MARCHF10: variants seen among roughly 807,000 people sequenced by gnomAD.
MARCHF10 encodes membrane associated ring-CH-type finger 10.
Under a neutral mutation model 76.2 loss-of-function variants are expected in MARCHF10, and 64 were observed. The observed-to-expected ratio is 0.84, with a 90% CI of 0.69 to 1.03. The LOEUF (loss-of-function observed/expected upper bound fraction) is 1.03. Ranked by LOEUF, MARCHF10 falls within the 50% of genes least tolerant of loss-of-function variation. The probability of loss-of-function intolerance (pLI) is 0.00; values close to 1 mark genes in which losing one functional copy is unlikely to be tolerated. For missense variants in MARCHF10, 875 were observed against 958.0 expected, an observed-to-expected ratio of 0.91 and a Z score of 1.14; for synonymous variants, 340 against 357.5, an observed-to-expected ratio of 0.95 and a Z score of 0.55.
chr17:62,799,438 A>T (rs2093037724), intron 2 of MARCHF10, among the ~76,000 whole-genome samples: 1 of 152,148 alleles, frequency 6.6e-6, no homozygotes, highest in South Asian at 2.1e-4. Context: ...ACCATCCAAT[A>T]ATTCTCACAG....
chr17:62,800,328 G>C (rs1598083062), intron 2 of MARCHF10, among the ~76,000 whole-genome samples: 1 of 152,290 alleles, frequency 6.6e-6, no homozygotes, highest in Non-Finnish European at 1.5e-5. Flanking sequence ...GCCTGTTCTG[G>C]AGACAATTTC....
At chr17:62,730,181 G>C (rs1159030076) in intron 6 of MARCHF10, among the ~76,000 whole-genome samples, 1 of 151,382 alleles carries the variant, frequency 6.6e-6, no homozygotes, top group Non-Finnish European at 1.5e-5. Flanking sequence ...GTGAGACTTC[G>C]TCTCAAAAAG....
At chr17:62,754,778 G>T (rs1426432805) in intron 4 of MARCHF10, among the ~76,000 whole-genome samples, 1 of 152,002 alleles carries the variant, frequency 6.6e-6, no homozygotes, top group Non-Finnish European at 1.5e-5. Context: ...TAAATTGTTT[G>T]TTTTTTTCTA....
In MARCHF10 at chr17:62,762,024, C is replaced by T. The variant is rs566488146; in HGVS notation, c.211-2018G>A. The stretch of plus-strand genomic sequence containing the variant: ...ATGCTCCAGGCGAGGATGACCAACA[C>T]CTGTGTCAGCAGCAGTAGCAGCAGC... On this transcript the variant is annotated intron_variant, in intron 3 of 10. Coordinates refer to ENST00000311269, the MANE Select transcript of MARCHF10 (RefSeq NM_152598.4). 4.6e-5 allele frequency among the ~76,000 whole-genome samples: 7 copies of T among 152,064 alleles called. No individual in the cohort carries two copies. In the East Asian group the frequency reaches 1.4e-3, roughly 29 times the overall value.
At chr17:62,788,442 A>AGCC (rs748101863) in intron 3 of MARCHF10, 38 bp downstream of exon 3, 8 of 1,612,538 alleles carry the variant, frequency 5.0e-6, no homozygotes, top group Non-Finnish European at 6.8e-6. Flanking sequence ...CAGCAGCAGC[A>AGCC]GCAGCCCCAG....
intron 8 of MARCHF10, among the ~76,000 whole-genome samples, chr17:62,716,681 T>G (rs1464356463): frequency 6.8e-6 from 1 of 147,524 alleles, no homozygotes. Context: ...GTTTTTGTAA[T>G]TAAACAAAAG....
At chr17:62,740,525 TA>T (rs1395418561) in intron 5 of MARCHF10, among the ~76,000 whole-genome samples, 1 of 152,142 alleles carries the variant, frequency 6.6e-6, no homozygotes, top group Non-Finnish European at 1.5e-5. Context: ...AAGAATAAAA[TA>T]AAAATCCCCC....
chr17:62,727,755 T>C (rs1455856009), intron 6 of MARCHF10, among the ~76,000 whole-genome samples: 5 of 152,108 alleles, frequency 3.3e-5, no homozygotes, highest in Non-Finnish European at 7.3e-5. Flanking sequence ...TCGATGAAGA[T>C]ATGATGATAT....
intron 4 of MARCHF10, among the ~76,000 whole-genome samples, chr17:62,751,999 G>A (rs1599224910): frequency 6.6e-6 from 1 of 150,668 alleles, no homozygotes; most frequent in East Asian, 1.9e-4. Flanking sequence ...CAGCCTGGGT[G>A]ACAGAGCAAG....
intron 3 of MARCHF10, among the ~76,000 whole-genome samples, chr17:62,779,471 G>C (rs993204255): frequency 6.6e-6 from 1 of 152,210 alleles, no homozygotes; most frequent in South Asian, 2.1e-4. Context: ...GTTTGAAAGT[G>C]GAGAAGCTGA....
chr17:62,724,991 T>G lies in MARCHF10; in HGVS notation c.2051A>C (p.Gln684Pro). The change falls in exon 7 of 11, where the codon CAG becomes CCG. Residue 684 changes from glutamine (Q) to proline (P), a missense_variant. By Grantham distance (76) the Gln-to-Pro change is moderately conservative. Coordinates refer to ENST00000311269, the MANE Select transcript of MARCHF10 (RefSeq NM_152598.4). ...LEPCGCVGSL[Q>P]FVHQECLKKW... ...TTTCAGGCACTCTTGATGAACAAAC[T>G]GCAGGCTTCCCACACAGCCGCAAGG... The G allele has an allele frequency of 5.0e-6, 8 of 1,611,920 alleles. No homozygotes were observed. The highest frequency in any genetic ancestry group is 6.8e-6 in the Non-Finnish European group (8 of 1,179,228).
intron 9 of MARCHF10, among the ~76,000 whole-genome samples, chr17:62,708,846 C>A (rs1257892756): frequency 1.3e-5 from 2 of 152,114 alleles, no homozygotes; most frequent in African/African-American, 4.8e-5. Context: ...GAAGGCCTGG[C>A]TTTGCATTCA....
Position 62,712,178 on chromosome 17 carries a change from C to T in MARCHF10, c.2215-834G>A, listed in dbSNP as rs904010859. Among the ~76,000 whole-genome samples, 51 of 152,378 alleles carry T rather than the reference C, an allele frequency of 3.3e-4. 1 individual carries two copies. The highest frequency in any genetic ancestry group is 2.9e-3 in the South Asian group (14 of 4,832). ...AAGGAGGGGAAGGCCCTTTCAGTCC[C>T]CATCTTTCCCTTGAGTGGGGGTCTT... is the stretch of plus-strand genomic sequence containing the variant. On this transcript the variant is annotated intron_variant, in intron 8 of 10. Transcript: ENST00000311269. This position sits in a 1 kb window ranked among gnomAD's most constrained non-coding sequence, Gnocchi z 4.2.
intron 8 of MARCHF10, 36 bp downstream of exon 8, chr17:62,722,451 CT>C (rs762312530): frequency 3.9e-5 from 58 of 1,481,054 alleles, no homozygotes; most frequent in Non-Finnish European, 5.2e-5. Context: ...CTCTAACATA[CT>C]TTAACCTGTG....
chr17:62,714,833 C>T (rs2090111155), intron 8 of MARCHF10, among the ~76,000 whole-genome samples: 4 of 151,590 alleles, frequency 2.6e-5, no homozygotes, highest in Admixed American at 2.0e-4. Context: ...GCAACCTCCG[C>T]CTCCCAGGTT....
chr17:62,779,125 C>T (rs772824268), intron 3 of MARCHF10, among the ~76,000 whole-genome samples: 3 of 152,256 alleles, frequency 2.0e-5, no homozygotes, highest in Non-Finnish European at 2.9e-5. Context: ...ACCTCGAGGG[C>T]GCAGAATCTG....
Position 62,736,719 on chromosome 17 carries a change from T to C in MARCHF10, c.1149A>G (p.Glu383=). The change falls in exon 6 of 11, where the codon GAA becomes GAG. Residue 383 remains glutamate (E), a synonymous_variant. Coordinates refer to ENST00000311269, the MANE Select transcript of MARCHF10 (RefSeq NM_152598.4). ...LSQDPGLPDR[E]SATEKDRGGS... is the part of the protein sequence containing the mutation. ...CACCTCTGTCCTTCTCTGTAGCAGA[T>C]TCCCTATCAGGCAGCCCGGGGTCTT... 3 of 1,614,184 alleles carry C rather than the reference T, an allele frequency of 1.9e-6. No homozygotes were observed. Among genetic ancestry groups the C allele is most frequent in the Non-Finnish European group, 2.5e-6 (3 of 1,180,022 alleles).
chr17:62,704,999 C>T, intron 10 of MARCHF10: 6 of 970,656 alleles, frequency 6.2e-6, no homozygotes, highest in Non-Finnish European at 7.3e-6. Context: ...TTTCTCGAAC[C>T]TGTTTGCAGA....
At chr17:62,702,837 C>T (rs746639396) in intron 10 of MARCHF10, among the ~76,000 whole-genome samples, 39 of 152,184 alleles carry the variant, frequency 2.6e-4, no homozygotes, top group Non-Finnish European at 4.9e-4. Flanking sequence ...CCCATCCCCT[C>T]GTCCATCCTG....
Sources: gnomAD v4.1 joint callset for allele counts (sites outside exome capture counted in the v4.1 genomes callset) on GRCh38, gnomAD v4.1.1 for gene constraint, Gnocchi (gnomAD v3.1) non-coding constraint, MANE v1.5 for transcripts, NCBI Gene and HGNC (gene_info 2026-07-23, HGNC 2026-07-21) for gene names.